Variants in CYB5B observed in about 807,000 individuals in gnomAD.
CYB5B encodes cytochrome b5 type B (outer mitochondrial membrane).
CYB5B carries 14 observed loss-of-function variants against 21.3 expected under a neutral mutation model. The ratio of observed to expected loss-of-function variants is 0.66; its 90% CI spans 0.43 to 1.03. The LOEUF (loss-of-function observed/expected upper bound fraction) is 1.03, where lower values mean the gene tolerates loss of function less well. Ranked by LOEUF, CYB5B falls within the 50% of genes least tolerant of loss-of-function variation. The pLI is 0.00. For synonymous variants in CYB5B, 69 were observed against 68.4 expected (o/e 1.01, Z -0.04); for missense variants, 166 against 185.1 (o/e 0.90, Z 0.60).
At chr16:69,459,726 G>A (rs1300891965) in intron 4 of CYB5B, among the ~76,000 whole-genome samples, 2 of 152,098 alleles carry the variant, frequency 1.3e-5, no homozygotes, top group Admixed American at 6.5e-5. Context: ...AGATTATATA[G>A]AGCTAGCCAT....
chr16:69,438,310 C>T (rs1169688175), intron 1 of CYB5B, among the ~76,000 whole-genome samples: 1 of 152,174 alleles, frequency 6.6e-6, no homozygotes, highest in Non-Finnish European at 1.5e-5. Flanking sequence ...TGTTTATAGG[C>T]ATGGGTTGTC....
At chr16:69,459,824 C>T (rs1426008515) in intron 4 of CYB5B, among the ~76,000 whole-genome samples, 4 of 151,920 alleles carry the variant, frequency 2.6e-5, no homozygotes, top group African/African-American at 7.3e-5. Context: ...CTTGAGGTAA[C>T]GGACACAGTA....
At chr16:69,436,294 A>G (rs957309744) in intron 1 of CYB5B, among the ~76,000 whole-genome samples, 1 of 152,174 alleles carries the variant, frequency 6.6e-6, no homozygotes, top group Non-Finnish European at 1.5e-5. Context: ...AATAATTGCA[A>G]TTGTGATACA....
chr16:69,459,556 T>C (rs2015014068), intron 4 of CYB5B: 1 of 154,368 alleles, frequency 6.5e-6, no homozygotes, highest in African/African-American at 2.4e-5. Flanking sequence ...TACGGTCATA[T>C]TTAGGAATTT....
At chr16:69,447,122 C>T (rs949854784) in intron 1 of CYB5B, 28 bp from the exon 2 acceptor site, 12 of 1,608,258 alleles carry the variant, frequency 7.5e-6, no homozygotes, top group East Asian at 6.7e-5. Flanking sequence ...AGAGAACCCT[C>T]GGTTCAGTAA....
At chr16:69,449,371 G>A (rs1056046867) in intron 3 of CYB5B, 1 of 152,136 alleles carries the variant, frequency 6.6e-6, no homozygotes, top group Non-Finnish European at 1.5e-5. Flanking sequence ...AAATTTGAAC[G>A]AAGCGTGGCC....
At chr16:69,453,979 T>G (rs1229762063) in intron 3 of CYB5B, among the ~76,000 whole-genome samples, 1 of 152,250 alleles carries the variant, frequency 6.6e-6, no homozygotes, top group African/African-American at 2.4e-5. Context: ...CTGAGGGTTC[T>G]CAAGGACTAA....
intron 1 of CYB5B, among the ~76,000 whole-genome samples, chr16:69,433,321 C>A (rs1339254253): frequency 6.6e-6 from 1 of 152,160 alleles, no homozygotes; most frequent in East Asian, 1.9e-4. Context: ...TAAAAAGCCA[C>A]CTTCCCCTCT....
At chr16:69,451,767 T>G (rs1023453610) in intron 3 of CYB5B, among the ~76,000 whole-genome samples, 1 of 151,506 alleles carries the variant, frequency 6.6e-6, no homozygotes, top group Admixed American at 6.6e-5. Flanking sequence ...CTGGCTAACA[T>G]GGTGAAACCC....
chr16:69,424,663 A>G lies in CYB5B; in HGVS notation c.-21A>G. The stretch of plus-strand genomic sequence containing the variant: ...TCAAGGAAAGTAGTCGCGGAATCTC[A>G]GTTAGCGGTGGAGAGGCAGTATGTC... On this transcript the variant is annotated 5_prime_UTR_variant, in exon 1 of 5. Transcript: ENST00000307892. 6.6e-7 allele frequency: 1 copy of G among 1,515,008 alleles called. No individual in the cohort carries two copies. The highest frequency in any genetic ancestry group is 8.9e-7 in the Non-Finnish European group (1 of 1,128,408). 93.8% of individuals were successfully genotyped at this position (1,515,008 alleles called of 1,614,324 possible). A position where few individuals can be genotyped will look rare whatever the true frequency, so the allele number is the denominator to read the frequency against.
At position 69,443,855 on chromosome 16, in the gene CYB5B, AAAACAAAC is replaced by A. The variant is rs367766354; in HGVS notation, c.175-3280_175-3273del. ...GGGCAACAGAGTGAGACTCCGTCTC[AAAACAAAC>A]AAACAAACAAACAACAACAACAAAA... On this transcript the variant is annotated intron_variant, in intron 1 of 4. Transcript: ENST00000307892. 1.2e-4 allele frequency: 18 copies of A among 155,422 alleles called. No homozygotes were observed. In the South Asian group the frequency reaches 1.4e-3, roughly 12 times the overall value. 9.6% of individuals were successfully genotyped at this position (155,422 alleles called of 1,614,324 possible). A position where few individuals can be genotyped will look rare whatever the true frequency, so the allele number is the denominator to read the frequency against.
At chr16:69,435,290 A>C (rs1365829341) in intron 1 of CYB5B, among the ~76,000 whole-genome samples, 1 of 152,238 alleles carries the variant, frequency 6.6e-6, no homozygotes, top group Non-Finnish European at 1.5e-5. Flanking sequence ...TAAAGAGCTC[A>C]ATAAGTGTTA....
rs7499008 is a variant in CYB5B at position 69,464,292 on chromosome 16, A to C, written c.*1772A>C. 6.6e-6 allele frequency: 1 copy of C among 152,216 alleles called. No homozygotes were observed. The highest frequency in any genetic ancestry group is 1.5e-5 in the Non-Finnish European group (1 of 68,038). 9.4% of individuals were successfully genotyped at this position (152,216 alleles called of 1,614,324 possible). Reference sequence around the variant, plus strand: ...AGTAATTTTAGGAGATTTCTGGCTGACTTTTATTATCAGGGATATGGGTTT... The same window carrying C: ...AGTAATTTTAGGAGATTTCTGGCTGCCTTTTATTATCAGGGATATGGGTTT... On this transcript the variant is annotated 3_prime_UTR_variant, in exon 5 of 5. Coordinates refer to ENST00000307892, the MANE Select transcript of CYB5B (RefSeq NM_030579.3).
At position 69,424,659 on chromosome 16, in the gene CYB5B, T is replaced by A. The variant is rs2014621568; in HGVS notation, c.-25T>A. 1 of 1,505,978 alleles carries A rather than the reference T, an allele frequency of 6.6e-7. No individual in the cohort carries two copies. Among genetic ancestry groups the A allele is most frequent in the African/African-American group, 1.4e-5 (1 of 70,506 alleles). The allele number at this position is 1,505,978 out of a possible 1,614,324, so 93.3% of individuals were successfully genotyped here. On this transcript the variant is annotated 5_prime_UTR_variant, in exon 1 of 5. Transcript: ENST00000307892. ...GCTCTCAAGGAAAGTAGTCGCGGAA[T>A]CTCAGTTAGCGGTGGAGAGGCAGTA...
At chr16:69,453,156 A>T (rs546169985) in intron 3 of CYB5B, among the ~76,000 whole-genome samples, 11 of 152,192 alleles carry the variant, frequency 7.2e-5, no homozygotes, top group African/African-American at 2.4e-4. Flanking sequence ...TTTTAACTTC[A>T]TTTTTAACTT....
chr16:69,456,875 T>G (rs914034333), intron 3 of CYB5B, among the ~76,000 whole-genome samples: 2 of 152,212 alleles, frequency 1.3e-5, no homozygotes, highest in African/African-American at 4.8e-5. Flanking sequence ...TTTCCAAATT[T>G]GGCTGAGAGT....
In CYB5B at chr16:69,461,369, C is replaced by T. The variant is rs913330355; in HGVS notation, c.363-1061C>T. 3.9e-5 allele frequency among the ~76,000 whole-genome samples: 6 copies of T among 152,236 alleles called. No individual in the cohort carries two copies. The East Asian group carries it at 5.8e-4, about 15-fold the overall frequency. On this transcript the variant is annotated intron_variant, in intron 4 of 4. Transcript: ENST00000307892. The stretch of plus-strand genomic sequence containing the variant: ...TTCCCATGTGCATATTGCTGTTATA[C>T]GTGCCATATTGCTTGGTTTTGTAAA...
intron 3 of CYB5B, among the ~76,000 whole-genome samples, chr16:69,450,771 T>C (rs2142822509): frequency 6.6e-6 from 1 of 152,336 alleles, no homozygotes; most frequent in African/African-American, 2.4e-5. Flanking sequence ...TATGAAGAAG[T>C]GATTTTTAAA....
chr16:69,450,830 C>T (rs1456884286), intron 3 of CYB5B, among the ~76,000 whole-genome samples: 3 of 151,952 alleles, frequency 2.0e-5, no homozygotes, highest in Non-Finnish European at 4.4e-5. Flanking sequence ...TTTTCATTTC[C>T]ATTTTCCTTC....
Sources: allele counts gnomAD v4.1 joint callset (sites outside exome capture counted in the v4.1 genomes callset), GRCh38; gene constraint gnomAD v4.1.1; transcripts MANE v1.5; gene names NCBI Gene and HGNC (gene_info 2026-07-23, HGNC 2026-07-21).